The following NCEH1 variants were observed in gnomAD, a reference collection of about 807,000 sequenced individuals.
NCEH1 encodes 2-acetyl MAGE hydrolase.
A neutral mutation model predicts 25.4 loss-of-function variants in NCEH1; 9 were observed. That is an observed-to-expected ratio of 0.35 (90% CI 0.21 to 0.62). NCEH1 has a LOEUF of 0.62. Ranked by LOEUF, NCEH1 falls within the 20% of genes least tolerant of loss-of-function variation. The pLI, the probability that NCEH1 is intolerant of heterozygous loss-of-function variation, is 0.72. For missense variants in NCEH1, 412 were observed against 501.1 expected (o/e 0.82, Z 1.70); for synonymous variants, 200 against 199.8 (o/e 1.00, Z -0.01).
rs760616871 is a variant in NCEH1, at chr3:172,705,228, C to T, written c.138+5619G>A. ...TTCACTATGTTGCCCAGGCTGCTCT[C>T]GAACTCCCGACCTCAAGTGATCCTT... On this transcript the variant is annotated intron_variant, in intron 1 of 4. Coordinates refer to ENST00000475381, the MANE Select transcript of NCEH1 (RefSeq NM_020792.6). Among the ~76,000 whole-genome samples the T allele has an allele frequency of 1.9e-4, 29 of 152,210 alleles. No homozygotes were observed. In the South Asian group the frequency reaches 3.7e-3, roughly 20 times the overall value.
At chr3:172,653,744 G>GTTTTTT (rs796835886) in intron 1 of NCEH1, among the ~76,000 whole-genome samples, 14 of 95,646 alleles carry the variant, frequency 1.5e-4, no homozygotes, top group African/African-American at 5.0e-4. Context: ...TGTTTTTTTT[G>GTTTTTT]TTTTTTTGTT....
intron 1 of NCEH1, among the ~76,000 whole-genome samples, 192 bp downstream of exon 1, chr3:172,710,655 A>G (rs935726892): frequency 6.6e-6 from 1 of 152,224 alleles, no homozygotes; most frequent in Non-Finnish European, 1.5e-5. Flanking sequence ...GGAAATGCAG[A>G]TCTAGCCCGC....
At chr3:172,671,204 T>C (rs1446021009) in intron 1 of NCEH1, among the ~76,000 whole-genome samples, 2 of 152,152 alleles carry the variant, frequency 1.3e-5, no homozygotes, top group South Asian at 2.1e-4. Context: ...AGGGAAACTT[T>C]TACATTTGCA....
intron 1 of NCEH1, among the ~76,000 whole-genome samples, chr3:172,670,120 G>A (rs1469581281): frequency 3.3e-5 from 5 of 151,776 alleles, no homozygotes; most frequent in African/African-American, 9.7e-5. Context: ...ATCCTATAAC[G>A]GCAGACATGA....
In NCEH1 at chr3:172,648,100, G is replaced by A. The variant is rs1235905337; in HGVS notation, c.153C>T (p.His51=). Residue 51 remains histidine, a synonymous_variant, in exon 2 of 5, where the codon CAC becomes CAT. Coordinates refer to ENST00000475381, the MANE Select transcript of NCEH1 (RefSeq NM_020792.6). The part of the protein sequence containing the change: ...RGAQQVSNLI[H]YLGLSHHLLA... ...GCAGGTGATGGCTCAGTCCCAGGTAGTGGATCAGGTTACTCTGCAGGGCGA... is the reference window on the plus strand; with the variant it reads ...GCAGGTGATGGCTCAGTCCCAGGTAATGGATCAGGTTACTCTGCAGGGCGA... 6.2e-7 allele frequency: 1 copy of A among 1,614,158 alleles called. No individual in the cohort carries two copies. Among genetic ancestry groups the A allele is most frequent in the South Asian group, 1.1e-5 (1 of 91,074 alleles).
At chr3:172,647,201 T>C (rs1377194036) in intron 2 of NCEH1, among the ~76,000 whole-genome samples, 2 of 152,202 alleles carry the variant, frequency 1.3e-5, no homozygotes, top group African/African-American at 2.4e-5. Flanking sequence ...GGACTGAAGA[T>C]GAGGAAGTAG....
Position 172,656,638 on chromosome 3 carries a change from C to T in NCEH1, c.139-8524G>A, listed in dbSNP as rs374952033. On this transcript the variant is annotated intron_variant, in intron 1 of 4. Coordinates refer to ENST00000475381, the MANE Select transcript of NCEH1 (RefSeq NM_020792.6). ...AAAATTAGCCTGGCGTGGTGATGCG[C>T]GCCTGTAATCCCAGCTACTCGGGAG... Among the ~76,000 whole-genome samples the T allele has an allele frequency of 6.6e-5, 10 of 151,986 alleles. No individual in the cohort carries two copies. In the East Asian group the frequency reaches 9.7e-4, roughly 15 times the overall value.
chr3:172,647,728 A>T, intron 2 of NCEH1, 158 bp downstream of exon 2: 2 of 861,386 alleles, frequency 2.3e-6, no homozygotes, highest in South Asian at 1.8e-5. Flanking sequence ...AGGGGGCACT[A>T]GTCATAATTT....
At chr3:172,650,798 C>T (rs955952871) in intron 1 of NCEH1, among the ~76,000 whole-genome samples, 8 of 111,530 alleles carry the variant, frequency 7.2e-5, no homozygotes, top group African/African-American at 1.8e-4. Context: ...GATGACAGAG[C>T]GAGACTCTGC....
chr3:172,656,329 G>A (rs6796724), intron 1 of NCEH1, among the ~76,000 whole-genome samples: 35,417 of 152,128 alleles, frequency 0.23, 4,495 homozygotes, highest in Non-Finnish European at 0.28. Flanking sequence ...CTAGAGGAAG[G>A]AGGACATAGG....
At chr3:172,650,304 A>G (rs9843079) in intron 1 of NCEH1, among the ~76,000 whole-genome samples, 1,760 of 152,138 alleles carry the variant, frequency 0.012, 41 homozygotes, top group African/African-American at 0.04. Flanking sequence ...GGAGCTAGAG[A>G]CCAGCCTGGC....
At chr3:172,666,852 TAGGCA>T (rs1718231730) in intron 1 of NCEH1, among the ~76,000 whole-genome samples, 1 of 152,178 alleles carries the variant, frequency 6.6e-6, no homozygotes, top group African/African-American at 2.4e-5. Flanking sequence ...GTAATCCTGT[TAGGCA>T]AGATCAGGAA....
intron 1 of NCEH1, among the ~76,000 whole-genome samples, chr3:172,702,910 T>TG (rs1713776412): frequency 6.6e-6 from 1 of 152,150 alleles, no homozygotes; most frequent in South Asian, 2.1e-4. Flanking sequence ...GAGGATCCCT[T>TG]GAGCCCAGAA....
intron 1 of NCEH1, among the ~76,000 whole-genome samples, chr3:172,697,448 C>G (rs908470808): frequency 6.6e-5 from 10 of 152,200 alleles, no homozygotes; most frequent in Non-Finnish European, 1.2e-4. Context: ...CTCTACCTCT[C>G]TTGGGTGTTT....
At chr3:172,697,231 T>C (rs932413481) in intron 1 of NCEH1, among the ~76,000 whole-genome samples, 1 of 152,092 alleles carries the variant, frequency 6.6e-6, no homozygotes, top group East Asian at 1.9e-4. Context: ...ACCCGGCCAA[T>C]ATATATCTTT....
At chr3:172,681,314 G>A (rs888209349) in intron 1 of NCEH1, 1 of 151,986 alleles carries the variant, frequency 6.6e-6, no homozygotes, top group African/African-American at 2.4e-5. Context: ...AAAAGACTCA[G>A]GTTTTTAATT....
chr3:172,670,113 C>T (rs1049183685), intron 1 of NCEH1, among the ~76,000 whole-genome samples: 1 of 152,146 alleles, frequency 6.6e-6, no homozygotes, highest in African/African-American at 2.4e-5. Context: ...ACCCTTCATC[C>T]TATAACGGCA....
intron 1 of NCEH1, among the ~76,000 whole-genome samples, chr3:172,674,223 C>T (rs1429177121): frequency 3.9e-5 from 6 of 152,064 alleles, no homozygotes; most frequent in Non-Finnish European, 4.4e-5. Context: ...AGGCAGATCA[C>T]GAGGTCAGGA....
At chr3:172,703,494 T>G (rs1362783861) in intron 1 of NCEH1, among the ~76,000 whole-genome samples, 1 of 139,916 alleles carries the variant, frequency 7.1e-6, no homozygotes. Context: ...CACCATTGCA[T>G]TCCCGCCTGA....
Sources: gnomAD v4.1 joint callset for allele counts (sites outside exome capture counted in the v4.1 genomes callset) on GRCh38, gnomAD v4.1.1 for gene constraint, MANE v1.5 for transcripts, NCBI Gene and HGNC (gene_info 2026-07-23, HGNC 2026-07-21) for gene names.